SP140L: variants seen among roughly 807,000 people sequenced by gnomAD.
The protein encoded by SP140L is SP140 like nuclear body protein, also known as nuclear body protein SP140-like protein.
Under a neutral mutation model 84.3 loss-of-function variants are expected in SP140L, and 64 were observed. The ratio of observed to expected loss-of-function variants is 0.76; its 90% CI spans 0.62 to 0.94. The LOEUF (loss-of-function observed/expected upper bound fraction) is 0.94, where lower values mean the gene tolerates loss of function less well. Ranked by LOEUF, SP140L falls within the 40% of genes least tolerant of loss-of-function variation. SP140L has a pLI of 0.00. For synonymous variants in SP140L, 242 were observed against 236.9 expected, an observed-to-expected ratio of 1.02 and a Z score of -0.20; for missense variants, 628 against 692.5, an observed-to-expected ratio of 0.91 and a Z score of 1.05.
intron 4 of SP140L, 81 bp downstream of exon 4, chr2:230,359,213 C>T (rs898130714): frequency 5.0e-5 from 62 of 1,242,532 alleles, no homozygotes; most frequent in African/African-American, 1.8e-4. Context: ...CTACCATGTG[C>T]GATACATTGT....
At position 230,346,007 on chromosome 2, in the gene SP140L, C is replaced by A. The variant is rs756517164; in HGVS notation, c.108-11798C>A. Among the ~76,000 whole-genome samples the A allele has an allele frequency of 1.3e-3, 199 of 152,258 alleles. 2 individuals are homozygous for A. Among genetic ancestry groups the A allele is most frequent in the Middle Eastern group, 3.4e-3 (1 of 294 alleles). On this transcript the variant is annotated intron_variant, in intron 2 of 18. Coordinates refer to ENST00000415673, the MANE Select transcript of SP140L (RefSeq NM_138402.6). ...TATATTGTTATGTTGTTAACTAATA[C>A]CATCTCATTGCAGCTTGAAGAACTA... is the stretch of plus-strand genomic sequence containing the variant.
chr2:230,390,482 G>T (rs750016094), intron 11 of SP140L, among the ~76,000 whole-genome samples: 1 of 152,172 alleles, frequency 6.6e-6, no homozygotes, highest in African/African-American at 2.4e-5. Context: ...GAGTAGAGAA[G>T]GGGACCTTTC....
intron 2 of SP140L, among the ~76,000 whole-genome samples, chr2:230,348,080 C>A (rs1302467122): frequency 6.6e-6 from 1 of 152,222 alleles, no homozygotes; most frequent in African/African-American, 2.4e-5. Flanking sequence ...AGCTGGATGT[C>A]CTCCTCAGGC....
chr2:230,384,125 G>C (rs557196383), intron 8 of SP140L, among the ~76,000 whole-genome samples: 2 of 152,092 alleles, frequency 1.3e-5, no homozygotes, highest in Non-Finnish European at 1.5e-5. Context: ...CAGTATAATA[G>C]AGGTGATGTT....
chr2:230,367,655 T>C (rs552587745), intron 5 of SP140L, among the ~76,000 whole-genome samples: 3 of 152,318 alleles, frequency 2.0e-5, no homozygotes, highest in African/African-American at 7.2e-5. Flanking sequence ...CTTAACAAAT[T>C]ATTGTAGCTA....
intron 7 of SP140L, chr2:230,371,858 A>T: frequency 1.8e-6 from 1 of 551,678 alleles, no homozygotes; most frequent in Non-Finnish European, 3.4e-6. Context: ...TACAGATACA[A>T]TTAATTTAGA....
In SP140L at chr2:230,369,991, C is replaced by A. The variant is rs558558522; in HGVS notation, c.524-917C>A. ...GTTTCACCCTGTTGGCCAGGCTGGTCTTGAATTCCTGACTTAGTGATTTGC... is the reference window on the plus strand; with the variant it reads ...GTTTCACCCTGTTGGCCAGGCTGGTATTGAATTCCTGACTTAGTGATTTGC... On this transcript the variant is annotated intron_variant, in intron 5 of 18. Coordinates refer to ENST00000415673, the MANE Select transcript of SP140L (RefSeq NM_138402.6). Among the ~76,000 whole-genome samples, 54 of 152,088 alleles carry A rather than the reference C, an allele frequency of 3.6e-4. 1 individual carries two copies. The highest frequency in any genetic ancestry group is 3.4e-3 in the Middle Eastern group (1 of 294).
chr2:230,378,292 G>A (rs1004480322), intron 7 of SP140L, among the ~76,000 whole-genome samples: 1 of 152,040 alleles, frequency 6.6e-6, no homozygotes, highest in Admixed American at 6.6e-5. Context: ...TTTCAGACCC[G>A]TGCATTTTGA....
chr2:230,354,668 G>C (rs1244266740), intron 2 of SP140L, among the ~76,000 whole-genome samples: 33 of 151,668 alleles, frequency 2.2e-4, no homozygotes, highest in Non-Finnish European at 1.2e-4. Context: ...TAGCTATTCA[G>C]GAAGCTGAGT....
intron 7 of SP140L, among the ~76,000 whole-genome samples, chr2:230,378,829 T>C (rs2149784401): frequency 6.6e-6 from 1 of 152,352 alleles, no homozygotes; most frequent in Non-Finnish European, 1.5e-5. Flanking sequence ...TGTTTAAATA[T>C]GGGTTCATAG....
At chr2:230,350,698 A>G (rs1290341969) in intron 2 of SP140L, among the ~76,000 whole-genome samples, 2 of 152,106 alleles carry the variant, frequency 1.3e-5, no homozygotes, top group Non-Finnish European at 2.9e-5. Context: ...AGGGATTGAC[A>G]AGAGCATGGA....
At chr2:230,331,812 A>C (rs2059731747) in intron 2 of SP140L, among the ~76,000 whole-genome samples, 1 of 152,210 alleles carries the variant, frequency 6.6e-6, no homozygotes, top group African/African-American at 2.4e-5. Context: ...GACTTTGTGC[A>C]TAGGAGACTT....
chr2:230,399,533 G>C (rs967044562), intron 14 of SP140L, among the ~76,000 whole-genome samples: 1 of 152,102 alleles, frequency 6.6e-6, no homozygotes, highest in Admixed American at 6.5e-5. Context: ...TCCCAGAGCC[G>C]AAGAGCTCTG....
rs200700457 is a variant in SP140L at position 230,392,216 on chromosome 2, G to A, written c.1094G>A (p.Arg365Gln). Residue 365 changes from arginine (R) to glutamine (Q), a missense_variant, in exon 12 of 19, where the codon CGA (arginine) becomes CAA (glutamine). Physicochemically the swap from Arg to Gln is conservative, Grantham distance 43. Around this residue, in one of 4 missense-constraint regions of SP140L, gnomAD observed 525 missense variants for 518.4 expected, o/e 1.01. Transcript: ENST00000415673. ...LSVRCGGWPL[R>Q]RLMEEGSLPN... ...GTGCGCTGTGGCGGGTGGCCCCTAC[G>A]ACGGCTGATGGAGGTATTCCAATGA... The A allele has an allele frequency of 1.4e-5, 23 of 1,613,972 alleles. No individual in the cohort carries two copies. Among genetic ancestry groups the A allele is most frequent in the African/African-American group, 1.1e-4 (8 of 75,052 alleles).
chr2:230,328,472 G>T (rs2059640257), intron 1 of SP140L, among the ~76,000 whole-genome samples: 1 of 152,184 alleles, frequency 6.6e-6, no homozygotes, highest in South Asian at 2.1e-4. Flanking sequence ...AAATCTTAGA[G>T]ATCTTTTCAC....
intron 2 of SP140L, among the ~76,000 whole-genome samples, chr2:230,339,720 A>G (rs1328715096): frequency 1.4e-5 from 2 of 142,220 alleles, no homozygotes; most frequent in African/African-American, 5.4e-5. Context: ...GGTTTCAAAG[A>G]ACATCTTTAT....
At chr2:230,370,254 T>A (rs1172073394) in intron 5 of SP140L, among the ~76,000 whole-genome samples, 1 of 151,906 alleles carries the variant, frequency 6.6e-6, no homozygotes, top group Non-Finnish European at 1.5e-5. Flanking sequence ...GCGGGTATAT[T>A]TTTTTCCAGA....
At chr2:230,344,691 C>T (rs1422972388) in intron 2 of SP140L, among the ~76,000 whole-genome samples, 2 of 152,016 alleles carry the variant, frequency 1.3e-5, no homozygotes, top group Non-Finnish European at 1.5e-5. Flanking sequence ...GCTTCCTTTC[C>T]ATAGTGTTTT....
intron 13 of SP140L, among the ~76,000 whole-genome samples, chr2:230,394,203 G>A (rs2061949010): frequency 6.6e-6 from 1 of 152,206 alleles, no homozygotes; most frequent in African/African-American, 2.4e-5. Context: ...ATCTGTGAAA[G>A]TGATTTTTCC....
Sources: gnomAD v4.1 joint callset for allele counts (sites outside exome capture counted in the v4.1 genomes callset) on GRCh38, gnomAD v4.1.1 for gene constraint, gnomAD v4.1.1 regional missense constraint, MANE v1.5 for transcripts, NCBI Gene and HGNC (gene_info 2026-07-23, HGNC 2026-07-21) for gene names.